Variants in KCNQ1 observed in about 807,000 individuals in gnomAD.
KCNQ1 encodes the protein potassium voltage-gated channel subfamily Q member 1.
Under a neutral mutation model 72.4 loss-of-function variants are expected in KCNQ1, and 49 were observed. The observed-to-expected ratio is 0.68, with a 90% CI of 0.54 to 0.86. The LOEUF is 0.86. KCNQ1 is among the 40% of genes least tolerant of loss of function. The pLI is 0.00. For missense variants in KCNQ1, 790 were observed against 945.1 expected (o/e 0.84, Z 2.15); for synonymous variants, 450 against 412.6 (o/e 1.09, Z -1.10).
In KCNQ1 at chr11:2,762,601, G is replaced by A. The variant is rs1030990713; in HGVS notation, c.1515-6243G>A. On this transcript the variant is annotated intron_variant, in intron 11 of 15. Transcript: ENST00000155840. The surrounding 1 kb of genome is among the most constrained non-coding windows in gnomAD (Gnocchi z 4.3). ...TCCATAGACTGTTAGGAACAGGACC[G>A]TGCAGCAGGAGGTGAGCGGTTGGCA... 6.6e-6 allele frequency among the ~76,000 whole-genome samples: 1 copy of A among 152,310 alleles called. No homozygotes were observed. The highest frequency in any genetic ancestry group is 2.4e-5 in the African/African-American group (1 of 41,550).
rs928119759 is a variant in KCNQ1 at position 2,782,943 on chromosome 11, A to G, written c.1794+4906A>G. Among the ~76,000 whole-genome samples, 1 of 151,722 alleles carries G rather than the reference A, an allele frequency of 6.6e-6. No individual in the cohort carries two copies. The highest frequency in any genetic ancestry group is 2.4e-5 in the African/African-American group (1 of 41,286). The stretch of plus-strand genomic sequence containing the variant: ...CACTTCTGTTTATTTTATTCCTTCT[A>G]TTTACTTGGCCTTAATATACTGTTC... On this transcript the variant is annotated intron_variant, in intron 15 of 15. Transcript: ENST00000155840. This position sits in a 1 kb window ranked among gnomAD's most constrained non-coding sequence, Gnocchi z 6.1.
chr11:2,778,917 A>G (rs564163908), intron 15 of KCNQ1, among the ~76,000 whole-genome samples: 1 of 151,132 alleles, frequency 6.6e-6, no homozygotes, highest in African/African-American at 2.4e-5. Flanking sequence ...CTCCTGCCCC[A>G]CCCGTCCTGG....
chr11:2,546,336 A>T (rs1181086551), intron 2 of KCNQ1, among the ~76,000 whole-genome samples: 1 of 152,190 alleles, frequency 6.6e-6, no homozygotes, highest in Non-Finnish European at 1.5e-5. Flanking sequence ...ATATATTAAG[A>T]CTTGATTTAG....
At position 2,652,743 on chromosome 11, in the gene KCNQ1, T is replaced by C; in HGVS notation, c.1394-9218T>C. 1 of 398,962 alleles carries C rather than the reference T, an allele frequency of 2.5e-6. No individual in the cohort carries two copies. The highest frequency in any genetic ancestry group is 4.4e-6 in the Non-Finnish European group (1 of 226,368). 24.7% of individuals were successfully genotyped at this position (398,962 alleles called of 1,614,324 possible). ...TCACTCACGCTCAGGGTTGACCCTG[T>C]CCTGGCTCTGTCACTGCCTGTCTTC... On this transcript the variant is annotated intron_variant, in intron 10 of 15. Transcript: ENST00000155840. The surrounding 1 kb of genome is among the most constrained non-coding windows in gnomAD (Gnocchi z 5.9).
rs566265776 is a variant in KCNQ1, at chr11:2,767,831, C to T, written c.1515-1013C>T. Among the ~76,000 whole-genome samples the T allele has an allele frequency of 6.6e-6, 1 of 152,318 alleles. No homozygotes were observed. The highest frequency in any genetic ancestry group is 1.9e-4 in the East Asian group (1 of 5,184). On this transcript the variant is annotated intron_variant, in intron 11 of 15. Coordinates refer to ENST00000155840, the MANE Select transcript of KCNQ1 (RefSeq NM_000218.3). The surrounding 1 kb of genome is among the most constrained non-coding windows in gnomAD (Gnocchi z 4.6). ...TGGCTTAGGAATTCACAAGTGTTTC[C>T]AGAGGAAGTTGTGTGAAAGGTGGCT...
chr11:2,640,332 A>G (rs562763572), intron 10 of KCNQ1: 3 of 398,472 alleles, frequency 7.5e-6, no homozygotes, highest in African/African-American at 2.1e-5. Context: ...AGCTCCTCCT[A>G]TTCGGCCATC....
At chr11:2,806,519 C>T (rs1318809257) in intron 15 of KCNQ1, among the ~76,000 whole-genome samples, 4 of 152,226 alleles carry the variant, frequency 2.6e-5, no homozygotes, top group Non-Finnish European at 4.4e-5. Context: ...TTGCCTCTTC[C>T]TTACCCCGGT....
In KCNQ1 at chr11:2,483,632, T is replaced by C. The variant is rs1413306514; in HGVS notation, c.386+38148T>C. Among the ~76,000 whole-genome samples the C allele has an allele frequency of 6.6e-6, 1 of 152,150 alleles. No homozygotes were observed. Among genetic ancestry groups the C allele is most frequent in the Non-Finnish European group, 1.5e-5 (1 of 68,026 alleles). Reference sequence around the variant, plus strand: ...TACTGGGCGGCTGTTTTGTAGAACGTCCCTCGGTTTGGATTCTCTGATATG... The same window carrying C: ...TACTGGGCGGCTGTTTTGTAGAACGCCCCTCGGTTTGGATTCTCTGATATG... On this transcript the variant is annotated intron_variant, in intron 1 of 15. Coordinates refer to ENST00000155840, the MANE Select transcript of KCNQ1 (RefSeq NM_000218.3). The surrounding 1 kb of genome is among the most constrained non-coding windows in gnomAD (Gnocchi z 6.1).
At position 2,621,652 on chromosome 11, in the gene KCNQ1, T is replaced by G; in HGVS notation, c.1393+32798T>G. 2.5e-6 allele frequency: 1 copy of G among 398,544 alleles called. No individual in the cohort carries two copies. The highest frequency in any genetic ancestry group is 2.1e-5 in the African/African-American group (1 of 48,766). 24.7% of individuals were successfully genotyped at this position (398,544 alleles called of 1,614,324 possible). A position where few individuals can be genotyped will look rare whatever the true frequency, so the allele number is the denominator to read the frequency against. On this transcript the variant is annotated intron_variant, in intron 10 of 15. Coordinates refer to ENST00000155840, the MANE Select transcript of KCNQ1 (RefSeq NM_000218.3). This position sits in a 1 kb window ranked among gnomAD's most constrained non-coding sequence, Gnocchi z 5.7. ...AGGAATTTGTCCATTTCCTCTAGGT[T>G]ATCCAATTTGTTGGGATATAATTGT...
intron 10 of KCNQ1, chr11:2,648,489 A>C: frequency 2.5e-6 from 1 of 398,364 alleles, no homozygotes; most frequent in Non-Finnish European, 4.4e-6. Context: ...CATTTGTTTC[A>C]AAGAATTTTT....
intron 10 of KCNQ1, chr11:2,655,511 C>A: frequency 2.5e-6 from 1 of 398,692 alleles, no homozygotes. Context: ...ACTGCCCTTT[C>A]AAGTACACCA....
Position 2,671,416 on chromosome 11 carries a change from C to T in KCNQ1, c.1514+9335C>T. The T allele has an allele frequency of 2.5e-6, 1 of 398,618 alleles. No individual in the cohort carries two copies. Among genetic ancestry groups the T allele is most frequent in the Non-Finnish European group, 4.4e-6 (1 of 226,070 alleles). 24.7% of individuals were successfully genotyped at this position (398,618 alleles called of 1,614,324 possible). On this transcript the variant is annotated intron_variant, in intron 11 of 15. Transcript: ENST00000155840. The surrounding 1 kb of genome is among the most constrained non-coding windows in gnomAD (Gnocchi z 4.7). ...CCTCTCCCAGGGTACTCTGGATGTGCACCCAGAGATTCTCCCACTTTAGCA... is the reference window on the plus strand; with the variant it reads ...CCTCTCCCAGGGTACTCTGGATGTGTACCCAGAGATTCTCCCACTTTAGCA...
rs115246282 is a variant in KCNQ1, at chr11:2,671,804, A to T, written c.1514+9723A>T. The T allele has an allele frequency of 2.5e-6, 1 of 398,578 alleles. No individual in the cohort carries two copies. The highest frequency in any genetic ancestry group is 4.4e-6 in the Non-Finnish European group (1 of 226,128). The allele number at this position is 398,578 out of a possible 1,614,324, so 24.7% of individuals were successfully genotyped here. On this transcript the variant is annotated intron_variant, in intron 11 of 15. Coordinates refer to ENST00000155840, the MANE Select transcript of KCNQ1 (RefSeq NM_000218.3). This position sits in a 1 kb window ranked among gnomAD's most constrained non-coding sequence, Gnocchi z 4.7. ...TGACCCAGTCAGGGTTCTTCCCCCAAATAAATCCCTGCAACCCCACTGTGG... is the reference window on the plus strand; with the variant it reads ...TGACCCAGTCAGGGTTCTTCCCCCATATAAATCCCTGCAACCCCACTGTGG...
At position 2,566,467 on chromosome 11, in the gene KCNQ1, C is replaced by T. The variant is rs574533320; in HGVS notation, c.478-4161C>T. ...CCTGACCTAGTTGAGCCTGGCTTTC[C>T]TCCTCTGTAAAATGTGAACAGAGGC... On this transcript the variant is annotated intron_variant, in intron 2 of 15. Transcript: ENST00000155840. This position sits in a 1 kb window ranked among gnomAD's most constrained non-coding sequence, Gnocchi z 6.7. Among the ~76,000 whole-genome samples the T allele has an allele frequency of 3.3e-5, 5 of 152,276 alleles. No individual in the cohort carries two copies. The highest frequency in any genetic ancestry group is 1.2e-4 in the African/African-American group (5 of 41,552).
In KCNQ1 at chr11:2,641,480, A is replaced by T. The variant is rs1849576248; in HGVS notation, c.1394-20481A>T. The T allele has an allele frequency of 3.0e-5, 12 of 397,668 alleles. No homozygotes were observed. In the South Asian group the frequency reaches 1.4e-3, roughly 47 times the overall value. 24.6% of individuals were successfully genotyped at this position (397,668 alleles called of 1,614,324 possible). A position where few individuals can be genotyped will look rare whatever the true frequency, so the allele number is the denominator to read the frequency against. On this transcript the variant is annotated intron_variant, in intron 10 of 15. Transcript: ENST00000155840. ...ATGTCTTTTGCTCACTTTTTATTGG[A>T]ATTAATTTGTTGTTTACTATTGAGT...
intron 1 of KCNQ1, among the ~76,000 whole-genome samples, chr11:2,472,702 C>T (rs1846505676): frequency 6.6e-6 from 1 of 152,050 alleles, no homozygotes; most frequent in Non-Finnish European, 1.5e-5. Flanking sequence ...AGCTCCCTGC[C>T]TGCTATGACC....
intron 11 of KCNQ1, among the ~76,000 whole-genome samples, chr11:2,702,172 C>T (rs1324689265): frequency 6.6e-6 from 1 of 152,208 alleles, no homozygotes; most frequent in South Asian, 2.1e-4. Flanking sequence ...GATCCCAGGT[C>T]TTCAGAGTCA....
At position 2,647,023 on chromosome 11, in the gene KCNQ1, C is replaced by A; in HGVS notation, c.1394-14938C>A. On this transcript the variant is annotated intron_variant, in intron 10 of 15. Coordinates refer to ENST00000155840, the MANE Select transcript of KCNQ1 (RefSeq NM_000218.3). The surrounding 1 kb of genome is among the most constrained non-coding windows in gnomAD (Gnocchi z 4.0). ...TCTGGTGAGGACTTTTCTTACTCTG[C>A]TGAATAAGAATAGTGAAAGTGGGCA... The A allele has an allele frequency of 2.5e-6, 1 of 398,526 alleles. No individual in the cohort carries two copies. The highest frequency in any genetic ancestry group is 4.4e-6 in the Non-Finnish European group (1 of 226,044). The allele number at this position is 398,526 out of a possible 1,614,324, so 24.7% of individuals were successfully genotyped here. A position where few individuals can be genotyped will look rare whatever the true frequency, so the allele number is the denominator to read the frequency against.
At chr11:2,755,507 C>T (rs1846285082) in intron 11 of KCNQ1, among the ~76,000 whole-genome samples, 1 of 152,212 alleles carries the variant, frequency 6.6e-6, no homozygotes, top group Non-Finnish European at 1.5e-5. Flanking sequence ...CCCACCTCAC[C>T]CTTGGCCTTC....
Sources: gnomAD v4.1 joint callset for allele counts (sites outside exome capture counted in the v4.1 genomes callset) on GRCh38, gnomAD v4.1.1 for gene constraint, Gnocchi (gnomAD v3.1) non-coding constraint, MANE v1.5 for transcripts, NCBI Gene and HGNC (gene_info 2026-07-23, HGNC 2026-07-21) for gene names.